Variants in SLC38A10 observed in about 807,000 individuals in gnomAD.
SLC38A10 encodes the protein solute carrier family 38 member 10.
Under a neutral mutation model 81.0 loss-of-function variants are expected in SLC38A10, and 53 were observed. The observed-to-expected ratio is 0.65, with a 90% CI of 0.53 to 0.82. The LOEUF (loss-of-function observed/expected upper bound fraction) is 0.82, where lower values mean the gene tolerates loss of function less well. Ranked by LOEUF, SLC38A10 falls within the 40% of genes least tolerant of loss-of-function variation. The pLI is 0.00. For synonymous variants in SLC38A10, 665 were observed against 655.3 expected, an observed-to-expected ratio of 1.01 and a Z score of -0.23; for missense variants, 1,471 against 1,545.0, an observed-to-expected ratio of 0.95 and a Z score of 0.80.
rs1202957490 is a variant in SLC38A10 at position 81,288,682 on chromosome 17, A to T, written c.217+1009T>A. 6.6e-6 allele frequency: 1 copy of T among 152,390 alleles called. No individual in the cohort carries two copies. The highest frequency in any genetic ancestry group is 1.5e-5 in the Non-Finnish European group (1 of 68,166). 9.4% of individuals were successfully genotyped at this position (152,390 alleles called of 1,614,324 possible). On this transcript the variant is annotated intron_variant, in intron 2 of 15. Transcript: ENST00000374759. This position sits in a 1 kb window ranked among gnomAD's most constrained non-coding sequence, Gnocchi z 5.4. ...CTGAAACAGCATTAAAGCAAGAAAG[A>T]ACTAAGGGAAACAAAACTGCAACCA...
chr17:81,290,601 G>T (rs943751884), intron 1 of SLC38A10, among the ~76,000 whole-genome samples: 2 of 152,210 alleles, frequency 1.3e-5, no homozygotes, highest in Admixed American at 6.5e-5. Flanking sequence ...GGGGCTGGGG[G>T]TGTGGAGATT....
At chr17:81,260,431 C>A in intron 10 of SLC38A10, 37 bp from the exon 11 acceptor site, 1 of 1,586,084 alleles carries the variant, frequency 6.3e-7, no homozygotes, top group Admixed American at 1.8e-5. Flanking sequence ...GGAGTCACAG[C>A]TGGCCCCCGC....
Position 81,284,871 on chromosome 17 carries a change from C to T in SLC38A10, c.242G>A (p.Gly81Asp). ...GLAFHAYGKA[G>D]KMLVETSMIG... ...TTACCTGGTCTCCACCAGCATCTTG[C>T]CTGCCTTCCCGTAGGCGTGGAATGC... Residue 81 changes from glycine (G) to aspartate (D), a missense_variant, in exon 3 of 16, where the codon GGC (glycine) becomes GAC (aspartate). Physicochemically the swap from Gly to Asp is moderately conservative, Grantham distance 94 (BLOSUM62 -1). Around this residue, in one of 2 missense-constraint regions of SLC38A10, gnomAD observed 720 missense variants for 827.7 expected, o/e 0.87. Coordinates refer to ENST00000374759, the MANE Select transcript of SLC38A10 (RefSeq NM_001037984.3). The T allele has an allele frequency of 6.5e-7, 1 of 1,545,042 alleles. No homozygotes were observed.
chr17:81,246,652 C>G lies in SLC38A10; in HGVS notation c.2264G>C (p.Gly755Ala). The G allele has an allele frequency of 6.6e-7, 1 of 1,509,908 alleles. No homozygotes were observed. Among genetic ancestry groups the G allele is most frequent in the African/African-American group, 1.4e-5 (1 of 71,602 alleles). 93.5% of individuals were successfully genotyped at this position (1,509,908 alleles called of 1,614,324 possible). ...PRQVEVHQEP[G>A]AAVPRGQEAP... ...CTCCTGGCCTCTGGGCACCGCTGCC[C>G]CGGGCTCTTGATGCACCTCCACTGC... Residue 755 changes from glycine (G) to alanine (A), a missense_variant, in exon 16 of 16, where the codon GGG becomes GCG. Coordinates refer to ENST00000374759, the MANE Select transcript of SLC38A10 (RefSeq NM_001037984.3).
At position 81,283,969 on chromosome 17, in the gene SLC38A10, C is replaced by T. The variant is rs945011092; in HGVS notation, c.264-467G>A. Among the ~76,000 whole-genome samples the T allele has an allele frequency of 3.3e-5, 5 of 152,052 alleles. No homozygotes were observed. In the East Asian group the frequency reaches 7.8e-4, roughly 24 times the overall value. On this transcript the variant is annotated intron_variant, in intron 3 of 15. Transcript: ENST00000374759. This position sits in a 1 kb window ranked among gnomAD's most constrained non-coding sequence, Gnocchi z 4.7. ...GGGCGCGGGCAGGTTCTGTGGCGCT[C>T]GCTATGTCACTTGGCATGCACACCA... is the stretch of plus-strand genomic sequence containing the variant.
intron 10 of SLC38A10, among the ~76,000 whole-genome samples, chr17:81,268,696 T>C (rs1406816599): frequency 1.3e-5 from 2 of 152,110 alleles, no homozygotes; most frequent in African/African-American, 4.8e-5. Context: ...AAAGAGTAAA[T>C]ATTTAAAATG....
At position 81,280,620 on chromosome 17, in the gene SLC38A10, G is replaced by A. The variant is rs148545655; in HGVS notation, c.615C>T (p.Phe205=). The A allele has an allele frequency of 3.8e-4, 608 of 1,612,636 alleles. 10 individuals are homozygous for A. The South Asian group carries it at 6.1e-3, about 16-fold the overall frequency. The change falls in exon 6 of 16, where the codon TTC becomes TTT. Residue 205 remains phenylalanine, a synonymous_variant. Coordinates refer to ENST00000374759, the MANE Select transcript of SLC38A10 (RefSeq NM_001037984.3). ...FRCIPIFGMS[F]ACQSQVLPTY... ...AGCAGGACACTTACGACTGGCAGGCGAAGGACATGCCGAAGATGGGGATGC... is the reference window on the plus strand; with the variant it reads ...AGCAGGACACTTACGACTGGCAGGCAAAGGACATGCCGAAGATGGGGATGC...
intron 1 of SLC38A10, among the ~76,000 whole-genome samples, chr17:81,291,645 C>T (rs952076268): frequency 1.3e-5 from 2 of 152,188 alleles, no homozygotes; most frequent in African/African-American, 4.8e-5. Context: ...AGCTCCAGAG[C>T]GGAGCACACG....
At chr17:81,259,668 A>C (rs1453062366) in intron 11 of SLC38A10, among the ~76,000 whole-genome samples, 1 of 152,112 alleles carries the variant, frequency 6.6e-6, no homozygotes, top group African/African-American at 2.4e-5. Flanking sequence ...CCACAGACGG[A>C]GGCGTCAGGG....
chr17:81,255,144 G>A (rs376862969), intron 11 of SLC38A10, among the ~76,000 whole-genome samples: 4 of 152,362 alleles, frequency 2.6e-5, no homozygotes, highest in South Asian at 2.1e-4. Flanking sequence ...TCCCGGGAAC[G>A]CCACGCCTCT....
At chr17:81,260,955 G>T (rs768042939) in intron 10 of SLC38A10, among the ~76,000 whole-genome samples, 1 of 152,252 alleles carries the variant, frequency 6.6e-6, no homozygotes, top group Non-Finnish European at 1.5e-5. Flanking sequence ...ACGCAGGCCC[G>T]TGCGCATGAA....
At chr17:81,271,737 CA>C (rs1263625635) in intron 9 of SLC38A10, among the ~76,000 whole-genome samples, 4 of 150,008 alleles carry the variant, frequency 2.7e-5, no homozygotes, top group African/African-American at 4.9e-5. Flanking sequence ...GCTGTTCCAT[CA>C]AGCTGACAGA....
At chr17:81,291,055 G>A (rs1441780036) in intron 1 of SLC38A10, among the ~76,000 whole-genome samples, 2 of 152,068 alleles carry the variant, frequency 1.3e-5, no homozygotes, top group African/African-American at 2.4e-5. Flanking sequence ...TACCTCCATC[G>A]AGGTGACACT....
chr17:81,250,978 G>A lies in SLC38A10; in HGVS notation c.2065+515C>T, dbSNP rs182182292. The A allele has an allele frequency of 2.1e-4, 284 of 1,329,470 alleles. 1 individual carries two copies. In the East Asian group the frequency reaches 7.5e-3, roughly 35 times the overall value. 82.4% of individuals were successfully genotyped at this position (1,329,470 alleles called of 1,614,324 possible). A position where few individuals can be genotyped will look rare whatever the true frequency, so the allele number is the denominator to read the frequency against. On this transcript the variant is annotated intron_variant, in intron 14 of 15. Coordinates refer to ENST00000374759, the MANE Select transcript of SLC38A10 (RefSeq NM_001037984.3). Reference sequence around the variant, plus strand: ...CTGTAGATGAACACAGCCGAGCTCCGAGGCCCGAGGGTGTGGGAGCAGTGC... The same window carrying A: ...CTGTAGATGAACACAGCCGAGCTCCAAGGCCCGAGGGTGTGGGAGCAGTGC...
intron 11 of SLC38A10, among the ~76,000 whole-genome samples, chr17:81,259,939 G>A (rs556132833): frequency 2.6e-5 from 4 of 152,244 alleles, no homozygotes; most frequent in African/African-American, 4.8e-5. Flanking sequence ...ACTCAGAAAC[G>A]TACACCCCAC....
chr17:81,260,496 C>T, intron 10 of SLC38A10, 102 bp from the exon 11 acceptor site: 1 of 1,417,280 alleles, frequency 7.1e-7, no homozygotes. Flanking sequence ...CGGGGTGAGG[C>T]ACGAGGAGAG....
At position 81,283,336 on chromosome 17, in the gene SLC38A10, G is replaced by A. The variant is rs369647598; in HGVS notation, c.357+73C>T. 6.6e-4 allele frequency: 915 copies of A among 1,388,836 alleles called. 11 individuals are homozygous for A. In the South Asian group the frequency reaches 9.5e-3, roughly 14 times the overall value. 86.0% of individuals were successfully genotyped at this position (1,388,836 alleles called of 1,614,324 possible). Reference sequence around the variant, plus strand: ...GACCAGCACCCAGGTCTCGGTCCTCGGGAGGATCCCACAGAGGGCCTCAGA... The same window carrying A: ...GACCAGCACCCAGGTCTCGGTCCTCAGGAGGATCCCACAGAGGGCCTCAGA... On this transcript the variant is annotated intron_variant, in intron 4 of 15. Coordinates refer to ENST00000374759, the MANE Select transcript of SLC38A10 (RefSeq NM_001037984.3). The surrounding 1 kb of genome is among the most constrained non-coding windows in gnomAD (Gnocchi z 4.7).
chr17:81,261,312 G>A (rs548912838), intron 10 of SLC38A10, among the ~76,000 whole-genome samples: 9 of 152,328 alleles, frequency 5.9e-5, no homozygotes, highest in South Asian at 4.1e-4. Context: ...ACGGGGCCAC[G>A]GCAGCGGGTG....
intron 14 of SLC38A10, among the ~76,000 whole-genome samples, chr17:81,248,249 A>G (rs772936802): frequency 2.0e-5 from 3 of 152,110 alleles, no homozygotes; most frequent in Non-Finnish European, 4.4e-5. Flanking sequence ...GAGCCACCGC[A>G]CCCGGCCAAA....
Sources: allele counts gnomAD v4.1 joint callset (sites outside exome capture counted in the v4.1 genomes callset), GRCh38; gene constraint gnomAD v4.1.1; regional missense constraint gnomAD v4.1.1; non-coding constraint Gnocchi (gnomAD v3.1); transcripts MANE v1.5; gene names NCBI Gene and HGNC (gene_info 2026-07-23, HGNC 2026-07-21).